Variants in NCKAP5 observed in about 807,000 individuals in gnomAD.
The protein encoded by NCKAP5 is nck-associated protein 5.
Under a neutral mutation model 167.0 loss-of-function variants are expected in NCKAP5, and 92 were observed. The ratio of observed to expected loss-of-function variants is 0.55; its 90% CI spans 0.47 to 0.66. The LOEUF (loss-of-function observed/expected upper bound fraction) is 0.66, where lower values mean the gene tolerates loss of function less well. NCKAP5 is among the 30% of genes least tolerant of loss of function. NCKAP5 has a pLI of 0.00. For synonymous variants in NCKAP5, 891 were observed against 877.4 expected (o/e 1.02, Z -0.27); for missense variants, 2,378 against 2,315.0 (o/e 1.03, Z -0.56).
intron 16 of NCKAP5, among the ~76,000 whole-genome samples, chr2:132,770,643 G>A (rs1341682152): frequency 2.0e-5 from 3 of 151,946 alleles, no homozygotes; most frequent in Non-Finnish European, 4.4e-5. Context: ...TACTTCCATT[G>A]GAGTAATCTA....
At chr2:133,221,173 T>G (rs2086647750) in intron 4 of NCKAP5, among the ~76,000 whole-genome samples, 1 of 152,102 alleles carries the variant, frequency 6.6e-6, no homozygotes, top group African/African-American at 2.4e-5. Flanking sequence ...GTATAACAAA[T>G]AAACATGCTT....
chr2:132,997,999 T>C (rs951889615), intron 6 of NCKAP5, among the ~76,000 whole-genome samples: 1 of 152,178 alleles, frequency 6.6e-6, no homozygotes, highest in African/African-American at 2.4e-5. Context: ...ACTCAGCTTG[T>C]TCCTGGCAGG....
rs924878380 is a variant in NCKAP5, at chr2:132,673,172, A to G, written c.*117T>C. The G allele has an allele frequency of 3.6e-6, 5 of 1,392,958 alleles. No individual in the cohort carries two copies. Among genetic ancestry groups the G allele is most frequent in the African/African-American group, 3.0e-5 (2 of 66,692 alleles). The allele number at this position is 1,392,958 out of a possible 1,614,324, so 86.3% of individuals were successfully genotyped here. On this transcript the variant is annotated 3_prime_UTR_variant, in exon 20 of 20. Transcript: ENST00000409261. ...TTCTTTTTCTTCCTTCTGTCCTTCA[A>G]CCTTGTTCAGAGAGTTCTTCTCTTT...
chr2:132,719,213 C>T (rs192634077), intron 19 of NCKAP5, among the ~76,000 whole-genome samples: 7 of 151,908 alleles, frequency 4.6e-5, no homozygotes, highest in East Asian at 1.9e-4. Flanking sequence ...GAAGCAAGAC[C>T]GAGGTGGGCT....
At chr2:133,261,585 G>A (rs1313296552) in intron 4 of NCKAP5, among the ~76,000 whole-genome samples, 1 of 152,150 alleles carries the variant, frequency 6.6e-6, no homozygotes, top group African/African-American at 2.4e-5. Context: ...TTCCAGCTGA[G>A]AATAAGACTG....
At chr2:133,572,703 A>G (rs1229196250), upstream of NCKAP5, among the ~76,000 whole-genome samples, 1 of 152,198 alleles carries the variant, frequency 6.6e-6, no homozygotes, top group Admixed American at 6.5e-5. Context: ...CTGCTCTGTA[A>G]GAGTTAATAT....
At chr2:132,993,752 C>T (rs950964298) in intron 7 of NCKAP5, among the ~76,000 whole-genome samples, 7 of 152,206 alleles carry the variant, frequency 4.6e-5, no homozygotes, top group African/African-American at 1.7e-4. Context: ...CACAGGCCCA[C>T]CTTAAATGTC....
chr2:133,112,955 G>T (rs2081963645), intron 6 of NCKAP5, among the ~76,000 whole-genome samples: 1 of 152,188 alleles, frequency 6.6e-6, no homozygotes, highest in South Asian at 2.1e-4. Context: ...TGGATACGAT[G>T]AAACGTGTCC....
At chr2:133,432,996 C>T (rs556166241) in intron 3 of NCKAP5, among the ~76,000 whole-genome samples, 127 of 152,222 alleles carry the variant, frequency 8.3e-4, no homozygotes, top group Non-Finnish European at 1.5e-3. Flanking sequence ...AGAATCAGAA[C>T]ATTTTTATAG....
intron 3 of NCKAP5, among the ~76,000 whole-genome samples, chr2:133,436,317 A>T (rs1333642667): frequency 6.6e-6 from 1 of 152,190 alleles, no homozygotes; most frequent in Non-Finnish European, 1.5e-5. Context: ...AATAGAGACC[A>T]GGCATCACCA....
intron 3 of NCKAP5, among the ~76,000 whole-genome samples, chr2:133,503,468 A>C (rs1682722998): frequency 6.6e-6 from 1 of 152,194 alleles, no homozygotes; most frequent in South Asian, 2.1e-4. Context: ...TTAGTAGCAG[A>C]GCTGGGTCTT....
chr2:133,303,398 T>C lies in NCKAP5; in HGVS notation c.70-288A>G, dbSNP rs141866791. 3.9e-3 allele frequency among the ~76,000 whole-genome samples: 601 copies of C among 152,316 alleles called. 8 individuals are homozygous for C. Among genetic ancestry groups the C allele is most frequent in the African/African-American group, 0.014 (571 of 41,576 alleles). Reference sequence around the variant, plus strand: ...GCCTAAATTTCATAGTCATCTAAACTGGAGTCTGTGTTCTACTGTATATAA... The same window carrying C: ...GCCTAAATTTCATAGTCATCTAAACCGGAGTCTGTGTTCTACTGTATATAA... On this transcript the variant is annotated intron_variant, in intron 3 of 19. Transcript: ENST00000409261.
chr2:132,906,252 C>G (rs965212954), intron 8 of NCKAP5, among the ~76,000 whole-genome samples: 8 of 152,136 alleles, frequency 5.3e-5, no homozygotes, highest in Admixed American at 6.5e-5. Flanking sequence ...TTCTCTAAGA[C>G]TTGAAATTTT....
At chr2:132,750,627 C>A (rs543252908) in intron 16 of NCKAP5, among the ~76,000 whole-genome samples, 2 of 152,054 alleles carry the variant, frequency 1.3e-5, no homozygotes, top group African/African-American at 2.4e-5. Context: ...GGGAGCTGAA[C>A]AGAATAGTGA....
At chr2:133,378,315 T>G (rs1270320009) in intron 3 of NCKAP5, among the ~76,000 whole-genome samples, 1 of 152,154 alleles carries the variant, frequency 6.6e-6, no homozygotes, top group Admixed American at 6.6e-5. Flanking sequence ...GAAAAAAAAC[T>G]TCTAAGGCTA....
chr2:133,440,294 G>C (rs2151159680), intron 3 of NCKAP5, among the ~76,000 whole-genome samples: 1 of 152,214 alleles, frequency 6.6e-6, no homozygotes, highest in East Asian at 1.9e-4. Flanking sequence ...TGTAGTATAG[G>C]CATAAAAATA....
chr2:133,453,501 A>T (rs1171402921), intron 3 of NCKAP5, among the ~76,000 whole-genome samples: 2 of 152,158 alleles, frequency 1.3e-5, no homozygotes, highest in Non-Finnish European at 2.9e-5. Context: ...TTGTGAACAA[A>T]GATGTTCACT....
chr2:133,641,466 G>A, the NCKAP5 span, among the ~76,000 whole-genome samples: 1 of 152,252 alleles, frequency 6.6e-6, no homozygotes, highest in Non-Finnish European at 1.5e-5. Context: ...CTCACTGTAG[G>A]AAGCCAGCTA....
intron 6 of NCKAP5, among the ~76,000 whole-genome samples, chr2:133,004,055 A>G (rs1258170332): frequency 6.6e-6 from 1 of 152,202 alleles, no homozygotes; most frequent in African/African-American, 2.4e-5. Context: ...TTTTTGCTCA[A>G]CAGTGGCAGA....
Sources: allele counts gnomAD v4.1 joint callset (sites outside exome capture counted in the v4.1 genomes callset), GRCh38; gene constraint gnomAD v4.1.1; transcripts MANE v1.5; gene names NCBI Gene and HGNC (gene_info 2026-07-23, HGNC 2026-07-21).